LMX1A: variants seen among roughly 807,000 people sequenced by gnomAD.
The protein encoded by LMX1A is LIM homeobox transcription factor 1-alpha.
A neutral mutation model predicts 49.1 loss-of-function variants in LMX1A; 15 were observed. The ratio of observed to expected loss-of-function variants is 0.31; its 90% CI spans 0.20 to 0.47. The LOEUF (loss-of-function observed/expected upper bound fraction) is 0.47, where lower values mean the gene tolerates loss of function less well. LMX1A is among the 20% of genes least tolerant of loss of function. The pLI is 1.00. For missense variants in LMX1A, 372 were observed against 475.8 expected (o/e 0.78, Z 2.03); for synonymous variants, 167 against 185.7 (o/e 0.90, Z 0.82).
At chr1:165,340,266 C>A (rs757731340) in intron 3 of LMX1A, among the ~76,000 whole-genome samples, 1 of 152,048 alleles carries the variant, frequency 6.6e-6, no homozygotes, top group Non-Finnish European at 1.5e-5. Context: ...CCACACCTGG[C>A]TAATGTTTTT....
chr1:165,233,584 T>G (rs1557857849), intron 4 of LMX1A, among the ~76,000 whole-genome samples: 4 of 152,254 alleles, frequency 2.6e-5, no homozygotes, highest in Non-Finnish European at 1.5e-5. Context: ...TACAGTCACA[T>G]GGTCCAAAAG....
chr1:165,328,816 G>A (rs963113447), intron 3 of LMX1A, among the ~76,000 whole-genome samples: 5 of 152,178 alleles, frequency 3.3e-5, no homozygotes, highest in African/African-American at 1.2e-4. Context: ...AAAGAACATG[G>A]CTTCCAGAAA....
intron 3 of LMX1A, among the ~76,000 whole-genome samples, chr1:165,307,881 C>T (rs1191366341): frequency 6.6e-6 from 1 of 152,200 alleles, no homozygotes; most frequent in Non-Finnish European, 1.5e-5. Flanking sequence ...AACAACAACA[C>T]ATTTTAAATT....
intron 3 of LMX1A, among the ~76,000 whole-genome samples, chr1:165,293,352 C>T (rs1033911471): frequency 6.6e-6 from 1 of 152,110 alleles, no homozygotes; most frequent in African/African-American, 2.4e-5. Flanking sequence ...ATATTTGGTC[C>T]TCAAAATAAC....
At chr1:165,240,302 T>G (rs76777246) in intron 4 of LMX1A, among the ~76,000 whole-genome samples, 307 of 139,372 alleles carry the variant, frequency 2.2e-3, no homozygotes, top group African/African-American at 7.7e-3. Flanking sequence ...AGAGTACTTT[T>G]AAATACCTAC....
At chr1:165,270,222 C>T (rs1032850015) in intron 3 of LMX1A, among the ~76,000 whole-genome samples, 1 of 152,112 alleles carries the variant, frequency 6.6e-6, no homozygotes, top group Non-Finnish European at 1.5e-5. Flanking sequence ...TATCCTGCCC[C>T]CAGCTACCTG....
intron 3 of LMX1A, among the ~76,000 whole-genome samples, chr1:165,316,288 C>T (rs941333447): frequency 1.9e-4 from 29 of 152,236 alleles, no homozygotes; most frequent in African/African-American, 7.0e-4. Context: ...CCCATGAACA[C>T]ATGCTGAGAG....
chr1:165,331,378 A>C (rs1208184392), intron 3 of LMX1A, among the ~76,000 whole-genome samples: 2 of 152,256 alleles, frequency 1.3e-5, no homozygotes, highest in Non-Finnish European at 2.9e-5. Flanking sequence ...CTGTTCAATC[A>C]GTGTCATTAG....
chr1:165,244,023 A>T (rs758307032), intron 4 of LMX1A, among the ~76,000 whole-genome samples: 1 of 152,104 alleles, frequency 6.6e-6, no homozygotes, highest in Non-Finnish European at 1.5e-5. Flanking sequence ...ACCTCTGGGG[A>T]GGGGAGAGAG....
At chr1:165,235,502 C>A (rs561286762) in intron 4 of LMX1A, among the ~76,000 whole-genome samples, 1 of 152,336 alleles carries the variant, frequency 6.6e-6, no homozygotes, top group Non-Finnish European at 1.5e-5. Flanking sequence ...GGCGCGGCTC[C>A]GCCAGCGGAG....
chr1:165,325,627 T>A (rs763411169), intron 3 of LMX1A, among the ~76,000 whole-genome samples: 1 of 152,088 alleles, frequency 6.6e-6, no homozygotes, highest in Non-Finnish European at 1.5e-5. Context: ...TGCATTTGAT[T>A]TCAATAAAGT....
chr1:165,350,261 C>A (rs190686482), intron 3 of LMX1A, among the ~76,000 whole-genome samples: 1 of 150,424 alleles, frequency 6.6e-6, no homozygotes, highest in Non-Finnish European at 1.5e-5. Context: ...TGCTTCAGGA[C>A]TATTGTCTAC....
rs1035325796 is a variant in LMX1A, at chr1:165,353,943, G to C, written c.77-681C>G. On this transcript the variant is annotated intron_variant, in intron 2 of 8. Coordinates refer to ENST00000342310, the MANE Select transcript of LMX1A (RefSeq NM_177398.4). ...GAAGAAGCAAGCCGCTGAGTGTCCC[G>C]GCCGGGATTCCCGATGCCAGGCGCG... Among the ~76,000 whole-genome samples, 3 of 152,312 alleles carry C rather than the reference G, an allele frequency of 2.0e-5. No individual in the cohort carries two copies. The East Asian group carries it at 5.8e-4, about 29-fold the overall frequency.
At chr1:165,237,654 C>A (rs1366732948) in intron 4 of LMX1A, among the ~76,000 whole-genome samples, 1 of 152,182 alleles carries the variant, frequency 6.6e-6, no homozygotes, top group East Asian at 1.9e-4. Context: ...ACTAAGAATC[C>A]AGATGGTTCT....
At chr1:165,209,502 A>G (rs1490945119) in intron 6 of LMX1A, among the ~76,000 whole-genome samples, 1 of 152,156 alleles carries the variant, frequency 6.6e-6, no homozygotes, top group Non-Finnish European at 1.5e-5. Flanking sequence ...GATGGGCTGA[A>G]AGTTAAGTTG....
intron 3 of LMX1A, among the ~76,000 whole-genome samples, chr1:165,261,729 T>C (rs1326942682): frequency 1.3e-5 from 2 of 152,100 alleles, no homozygotes; most frequent in Non-Finnish European, 2.9e-5. Context: ...AATTCTAACA[T>C]ACACTACAAC....
chr1:165,261,585 G>GCCC (rs969958608), intron 3 of LMX1A, among the ~76,000 whole-genome samples: 1 of 152,220 alleles, frequency 6.6e-6, no homozygotes, highest in African/African-American at 2.4e-5. Flanking sequence ...AGGTTTGTAT[G>GCCC]CCCAAGTTCA....
At chr1:165,326,448 A>T (rs1336982567) in intron 3 of LMX1A, among the ~76,000 whole-genome samples, 4 of 152,204 alleles carry the variant, frequency 2.6e-5, no homozygotes. Context: ...TGGAGGAATC[A>T]ATGGAGACGG....
At chr1:165,324,888 G>T (rs2101747091) in intron 3 of LMX1A, among the ~76,000 whole-genome samples, 1 of 152,248 alleles carries the variant, frequency 6.6e-6, no homozygotes, top group South Asian at 2.1e-4. Context: ...TCTTCTTTGT[G>T]CTGAAACATA....
Sources: allele counts gnomAD v4.1 joint callset (sites outside exome capture counted in the v4.1 genomes callset), GRCh38; gene constraint gnomAD v4.1.1; transcripts MANE v1.5; gene names NCBI Gene and HGNC (gene_info 2026-07-23, HGNC 2026-07-21).